The following PDE1C variants were observed in gnomAD, a reference collection of about 807,000 sequenced individuals.
The protein encoded by PDE1C is phosphodiesterase 1C.
A neutral mutation model predicts 93.1 loss-of-function variants in PDE1C; 62 were observed. That is an observed-to-expected ratio of 0.67 (90% CI 0.54 to 0.82). The LOEUF (loss-of-function observed/expected upper bound fraction) is 0.82. Ranked by LOEUF, PDE1C falls within the 40% of genes least tolerant of loss-of-function variation. The probability of loss-of-function intolerance (pLI) is 0.00; values close to 1 mark genes in which losing one functional copy is unlikely to be tolerated. For synonymous variants in PDE1C, 325 were observed against 310.1 expected (o/e 1.05, Z -0.50); for missense variants, 742 against 884.6 (o/e 0.84, Z 2.04).
chr7:31,619,949 G>C, the PDE1C span, among the ~76,000 whole-genome samples: 11 of 152,198 alleles, frequency 7.2e-5, no homozygotes, highest in African/African-American at 2.4e-4. Context: ...CGCACCAGGA[G>C]ACTATATCCC....
intron 1 of PDE1C, among the ~76,000 whole-genome samples, chr7:32,211,972 G>A (rs903380123): frequency 7.0e-6 from 1 of 143,440 alleles, no homozygotes. Context: ...GCTGCAGTGA[G>A]CTGTGATCAA....
chr7:32,306,488 G>A (rs1039870835), intron 1 of PDE1C, among the ~76,000 whole-genome samples: 14 of 151,986 alleles, frequency 9.2e-5, no homozygotes, highest in South Asian at 4.2e-4. Flanking sequence ...ATCCACACAC[G>A]ACCCCACCTT....
intron 1 of PDE1C, among the ~76,000 whole-genome samples, chr7:32,255,087 GT>G (rs1457337682): frequency 6.6e-6 from 1 of 152,194 alleles, no homozygotes; most frequent in Non-Finnish European, 1.5e-5. Context: ...CCAAGTCTCT[GT>G]TTTGGAAATC....
chr7:31,863,419 G>C (rs966389371), intron 7 of PDE1C, among the ~76,000 whole-genome samples: 10 of 152,052 alleles, frequency 6.6e-5, no homozygotes, highest in African/African-American at 2.4e-4. Flanking sequence ...CATTCTTGAG[G>C]CTGAGACTTC....
intron 3 of PDE1C, among the ~76,000 whole-genome samples, chr7:32,077,425 T>A (rs73318398): frequency 0.036 from 5,498 of 152,264 alleles, 323 homozygotes; most frequent in African/African-American, 0.12. Flanking sequence ...AAGCCTGTAT[T>A]ATCTTGATAA....
At chr7:31,843,421 G>A (rs974967680) in intron 9 of PDE1C, among the ~76,000 whole-genome samples, 7 of 151,904 alleles carry the variant, frequency 4.6e-5, no homozygotes, top group South Asian at 2.1e-4. Context: ...TCTTTCTGAT[G>A]ACACTCTTAT....
chr7:31,793,348 A>G (rs1784797324), intron 16 of PDE1C, among the ~76,000 whole-genome samples: 1 of 152,080 alleles, frequency 6.6e-6, no homozygotes, highest in African/African-American at 2.4e-5. Context: ...GGCTTAAAAA[A>G]TATTTTAAAT....
chr7:31,634,786 T>C, the PDE1C span, among the ~76,000 whole-genome samples: 1 of 152,090 alleles, frequency 6.6e-6, no homozygotes, highest in Admixed American at 6.5e-5. Flanking sequence ...GCTTAGGTGA[T>C]AAGATCTAGC....
chr7:31,743,255 C>G, the PDE1C span, among the ~76,000 whole-genome samples: 1 of 151,990 alleles, frequency 6.6e-6, no homozygotes, highest in African/African-American at 2.4e-5. Flanking sequence ...ATGATGTAGC[C>G]CTTGCTTATC....
chr7:31,748,611 G>A (rs1008451238), downstream of PDE1C, among the ~76,000 whole-genome samples: 3 of 152,182 alleles, frequency 2.0e-5, no homozygotes, highest in Non-Finnish European at 4.4e-5. Context: ...TGTAACAAAA[G>A]TATAATGAAT....
chr7:31,901,093 G>T (rs1799917868), intron 2 of PDE1C, among the ~76,000 whole-genome samples: 1 of 147,960 alleles, frequency 6.8e-6, no homozygotes, highest in South Asian at 2.1e-4. Flanking sequence ...ATTCTATTAA[G>T]GACTGGAATA....
chr7:31,743,073 TTTG>T, the PDE1C span, among the ~76,000 whole-genome samples: 9,631 of 152,204 alleles, frequency 0.063, 307 homozygotes, highest in Middle Eastern at 0.1. Context: ...CTATAGTTTT[TTTG>T]TTGTTGTTGT....
intron 1 of PDE1C, among the ~76,000 whole-genome samples, chr7:32,362,282 A>T (rs1283701865): frequency 2.6e-5 from 4 of 152,002 alleles, no homozygotes; most frequent in Admixed American, 6.5e-5. Context: ...TATAAGAGAC[A>T]TGGGGGGAGA....
chr7:32,127,847 GA>G (rs1483490454), intron 3 of PDE1C, among the ~76,000 whole-genome samples: 89 of 152,040 alleles, frequency 5.9e-4, no homozygotes, highest in African/African-American at 2.0e-3. Context: ...GGACTTTTTA[GA>G]AGTATGTCAA....
chr7:31,907,797 G>A (rs1800778172), intron 2 of PDE1C, among the ~76,000 whole-genome samples: 1 of 152,078 alleles, frequency 6.6e-6, no homozygotes, highest in African/African-American at 2.4e-5. Flanking sequence ...TCTCTGTGCA[G>A]AAGTTCTTTG....
chr7:31,887,710 C>A (rs766147326), intron 2 of PDE1C, among the ~76,000 whole-genome samples: 4 of 152,148 alleles, frequency 2.6e-5, no homozygotes, highest in Admixed American at 6.6e-5. Context: ...GTCACAGAGA[C>A]TCTCAATAAA....
At chr7:31,624,748 C>A in the PDE1C span, among the ~76,000 whole-genome samples, 1 of 151,566 alleles carries the variant, frequency 6.6e-6, no homozygotes, top group African/African-American at 2.4e-5. Flanking sequence ...AAAGCAATGG[C>A]AACAAAAGCC....
At chr7:32,000,947 G>A (rs748937623) in intron 2 of PDE1C, among the ~76,000 whole-genome samples, 14 of 152,100 alleles carry the variant, frequency 9.2e-5, no homozygotes, top group African/African-American at 2.2e-4. Context: ...TAAAAAGGTC[G>A]AGATTGATCT....
the PDE1C span, chr7:31,653,017 C>G: frequency 6.5e-6 from 9 of 1,390,084 alleles, no homozygotes; most frequent in African/African-American, 1.2e-4. Context: ...TATAGAATAA[C>G]TGAGCACCTA....
Sources: allele counts gnomAD v4.1 joint callset (sites outside exome capture counted in the v4.1 genomes callset), GRCh38; gene constraint gnomAD v4.1.1; transcripts MANE v1.5; gene names NCBI Gene and HGNC (gene_info 2026-07-23, HGNC 2026-07-21).